Variants in TENM1 observed in about 807,000 individuals in gnomAD.
TENM1 encodes teneurin-1.
Under a neutral mutation model 174.8 loss-of-function variants are expected in TENM1, and 35 were observed. The observed-to-expected ratio is 0.20, with a 90% CI of 0.15 to 0.27. The LOEUF (loss-of-function observed/expected upper bound fraction) is 0.27, where lower values mean the gene tolerates loss of function less well. TENM1 is among the 10% of genes least tolerant of loss of function. TENM1 has a pLI of 1.00. For synonymous variants in TENM1, 781 were observed against 798.7 expected, an observed-to-expected ratio of 0.98 and a Z score of 0.37; for missense variants, 1,633 against 2,130.1, an observed-to-expected ratio of 0.77 and a Z score of 4.59.
chrX:124,781,661 C>T (rs757784327), intron 3 of TENM1, among the ~76,000 whole-genome samples: 1 of 111,362 alleles, frequency 9.0e-6, no homozygotes, highest in African/African-American at 3.3e-5. Context: ...CCTGAATTCT[C>T]AGTCATCAAA....
chrX:124,809,205 C>T lies in TENM1; in HGVS notation c.536-72008G>A, dbSNP rs146898544. On this transcript the variant is annotated intron_variant, in intron 3 of 31. Transcript: ENST00000422452. ...AACATATTGGATAGCCTAGAAGAAA[C>T]GGATACACTTTTTGATACATTCAAT... Among the ~76,000 whole-genome samples, 447 of 111,239 alleles carry T rather than the reference C, an allele frequency of 4.0e-3. 2 individuals are homozygous for T. The highest frequency in any genetic ancestry group is 0.014 in the African/African-American group (416 of 30,700).
intron 3 of TENM1, among the ~76,000 whole-genome samples, chrX:124,782,444 C>T (rs1199722015): frequency 9.0e-6 from 1 of 110,733 alleles, no homozygotes; most frequent in African/African-American, 3.3e-5. Context: ...CTCTTACCCC[C>T]CTCCCATGAC....
intron 5 of TENM1, among the ~76,000 whole-genome samples, chrX:124,700,356 T>C (rs900987201): frequency 3.6e-5 from 4 of 111,756 alleles, no homozygotes; most frequent in African/African-American, 1.3e-4. Context: ...GGATGAATTA[T>C]ATCCTCATTA....
chrX:125,087,823 C>T, the TENM1 span, among the ~76,000 whole-genome samples: 2 of 111,211 alleles, frequency 1.8e-5, no homozygotes, highest in African/African-American at 3.3e-5. Flanking sequence ...TGTAAGTCCA[C>T]ACTGATATAT....
At chrX:124,730,757 T>G (rs1339743136) in intron 4 of TENM1, among the ~76,000 whole-genome samples, 1 of 112,015 alleles carries the variant, frequency 8.9e-6, no homozygotes, top group Admixed American at 9.5e-5. Context: ...AACTTGCCTC[T>G]CTGACTGACT....
the TENM1 span, among the ~76,000 whole-genome samples, chrX:124,977,965 TGTGAGAGA>T: frequency 0.033 from 484 of 14,470 alleles, 1 homozygote; most frequent in Middle Eastern, 0.14. Flanking sequence ...TGTGTGTGTG[TGTGAGAGA>T]GAGAGAGAGA....
intron 11 of TENM1, among the ~76,000 whole-genome samples, chrX:124,635,954 C>T (rs1266149566): frequency 3.6e-5 from 4 of 111,954 alleles, no homozygotes; most frequent in Admixed American, 9.5e-5. Flanking sequence ...TGTGAAGTGT[C>T]GTGAGGCCAT....
At chrX:124,516,132 G>A (rs2047698412) in intron 18 of TENM1, among the ~76,000 whole-genome samples, 1 of 111,901 alleles carries the variant, frequency 8.9e-6, no homozygotes, top group Non-Finnish European at 1.9e-5. Flanking sequence ...CAGTGCTGCA[G>A]TAACTGGCTA....
At chrX:125,090,306 G>C in the TENM1 span, among the ~76,000 whole-genome samples, 3 of 111,385 alleles carry the variant, frequency 2.7e-5, no homozygotes, top group African/African-American at 6.5e-5. Flanking sequence ...AGGACAGAAA[G>C]GCACACAAAC....
At chrX:124,484,791 T>C (rs2046918479) in intron 21 of TENM1, among the ~76,000 whole-genome samples, 1 of 111,073 alleles carries the variant, frequency 9.0e-6, no homozygotes, top group Non-Finnish European at 1.9e-5. Flanking sequence ...GTTCCCTTTA[T>C]TGGAGAATGG....
the TENM1 span, among the ~76,000 whole-genome samples, chrX:125,097,986 G>A: frequency 1.8e-5 from 2 of 112,536 alleles, no homozygotes; most frequent in Admixed American, 9.4e-5. Flanking sequence ...AGTGTCGGCC[G>A]GGCGCGGTGG....
chrX:125,141,179 T>C, the TENM1 span, among the ~76,000 whole-genome samples: 14 of 111,905 alleles, frequency 1.3e-4, 1 homozygote, highest in African/African-American at 4.5e-4. Context: ...GCCAACCTTA[T>C]GCCCACAAGA....
intron 3 of TENM1, among the ~76,000 whole-genome samples, chrX:124,834,802 G>C: frequency 8.9e-6 from 1 of 112,091 alleles, no homozygotes; most frequent in Non-Finnish European, 1.9e-5. Flanking sequence ...CACAATTTTA[G>C]TAAACCAATA....
At chrX:124,730,339 C>T (rs780860333) in intron 4 of TENM1, among the ~76,000 whole-genome samples, 1 of 111,725 alleles carries the variant, frequency 9.0e-6, no homozygotes, top group Admixed American at 9.5e-5. Flanking sequence ...ATTATTATTA[C>T]TAATATTTAC....
chrX:124,485,986 C>T (rs1212542326), intron 21 of TENM1, among the ~76,000 whole-genome samples: 1 of 111,840 alleles, frequency 8.9e-6, no homozygotes, highest in Non-Finnish European at 1.9e-5. Flanking sequence ...AAAGTGAAAT[C>T]TAATCAATGT....
chrX:125,021,471 T>C, the TENM1 span, among the ~76,000 whole-genome samples: 1 of 111,734 alleles, frequency 8.9e-6, no homozygotes, highest in South Asian at 3.7e-4. Flanking sequence ...AATAGCAACA[T>C]ATTTAGAAAT....
chrX:124,877,760 A>G (rs1283038726), intron 3 of TENM1, among the ~76,000 whole-genome samples: 2 of 111,341 alleles, frequency 1.8e-5, no homozygotes, highest in African/African-American at 6.5e-5. Flanking sequence ...ACAGTCAGAA[A>G]TCCATGCATA....
At chrX:124,391,633 G>A (rs1248128300) in intron 28 of TENM1, among the ~76,000 whole-genome samples, 1 of 111,553 alleles carries the variant, frequency 9.0e-6, no homozygotes, top group Non-Finnish European at 1.9e-5. Context: ...AAACTTCACT[G>A]ACTATCCTAA....
chrX:124,956,762 A>G (rs1275137703), intron 1 of TENM1, among the ~76,000 whole-genome samples: 3 of 112,226 alleles, frequency 2.7e-5, no homozygotes, highest in Non-Finnish European at 5.6e-5. Flanking sequence ...AAATGTGATC[A>G]AATTCTGCTG....
Sources: allele counts gnomAD v4.1 joint callset (sites outside exome capture counted in the v4.1 genomes callset), GRCh38; gene constraint gnomAD v4.1.1; transcripts MANE v1.5; gene names NCBI Gene and HGNC (gene_info 2026-07-23, HGNC 2026-07-21).